Variants in SPOCD1 observed in about 807,000 individuals in gnomAD.
SPOCD1 encodes the protein SPOC domain containing 1.
A neutral mutation model predicts 92.2 loss-of-function variants in SPOCD1; 64 were observed. The observed-to-expected ratio is 0.69, with a 90% CI of 0.57 to 0.86. The LOEUF is 0.86. SPOCD1 is among the 40% of genes least tolerant of loss of function. The pLI, the probability that SPOCD1 is intolerant of heterozygous loss-of-function variation, is 0.00. For synonymous variants in SPOCD1, 578 were observed against 619.3 expected (o/e 0.93, Z 0.99); for missense variants, 1,360 against 1,543.1 (o/e 0.88, Z 1.99).
At chr1:31,793,525 G>A (rs1647764672) in intron 12 of SPOCD1, 97 bp from the exon 13 acceptor site, 1 of 1,522,746 alleles carries the variant, frequency 6.6e-7, no homozygotes, top group African/African-American at 1.4e-5. Flanking sequence ...TGTCCCTACT[G>A]TGGGGACTGG....
intron 2 of SPOCD1, among the ~76,000 whole-genome samples, chr1:31,807,850 A>G (rs972847016): frequency 2.0e-5 from 3 of 152,206 alleles, no homozygotes; most frequent in African/African-American, 7.2e-5. Context: ...GCTATTGTGA[A>G]ATACTGTATG....
intron 3 of SPOCD1, 43 bp downstream of exon 3, chr1:31,801,621 G>A (rs1377874653): frequency 6.3e-7 from 1 of 1,597,036 alleles, no homozygotes; most frequent in Non-Finnish European, 8.6e-7. Flanking sequence ...CCCCACCTGA[G>A]GCAAGGGAGA....
In SPOCD1 at chr1:31,792,363, C is replaced by T. The variant is rs1203218940; in HGVS notation, c.2814G>A (p.Arg938=). ...AGAGCAGGCGGCAGTTCTGGGTGTC[C>T]CGGGCCCCATGTGGGCACAGTCTGA... ...CVVRLCPHGA[R]DTQNCRLLYS... is the part of the protein sequence containing the mutation. Residue 938 remains arginine, a synonymous_variant, in exon 15 of 16, where the codon CGG becomes CGA. Coordinates refer to ENST00000360482, the MANE Select transcript of SPOCD1 (RefSeq NM_144569.7). The T allele has an allele frequency of 6.2e-7, 1 of 1,613,774 alleles. No individual in the cohort carries two copies. The highest frequency in any genetic ancestry group is 1.3e-5 in the African/African-American group (1 of 74,928).
In SPOCD1 at chr1:31,814,927, C is replaced by T. The variant is rs150462737; in HGVS notation, c.407G>A (p.Cys136Tyr). The change falls in exon 2 of 16, where the codon TGT becomes TAT. Residue 136 changes from cysteine to tyrosine, a missense_variant. By Grantham distance (194) the Cys-to-Tyr change is radical. Transcript: ENST00000360482. This position sits in a 1 kb window ranked among gnomAD's most constrained non-coding sequence, Gnocchi z 4.2. ...ILDDSCPRKL[C>Y]SRSAGLPERA... Reference sequence around the variant, plus strand: ...CTCTGGGAGGCCAGCAGACCTGCTACAAAGTTTCCTGGGGCAACTGTCATC... The same window carrying T: ...CTCTGGGAGGCCAGCAGACCTGCTATAAAGTTTCCTGGGGCAACTGTCATC... 2.0e-5 allele frequency: 33 copies of T among 1,613,942 alleles called. No homozygotes were observed. In the African/African-American group the frequency reaches 4.3e-4, roughly 21 times the overall value.
intron 2 of SPOCD1, among the ~76,000 whole-genome samples, chr1:31,802,337 A>C (rs1570177862): frequency 6.6e-6 from 1 of 152,266 alleles, no homozygotes; most frequent in East Asian, 1.9e-4. Flanking sequence ...TTAAGGTCTC[A>C]GAATGACACC....
At chr1:31,796,493 G>T in intron 10 of SPOCD1, 97 bp downstream of exon 10, 1 of 1,589,882 alleles carries the variant, frequency 6.3e-7, no homozygotes, top group Non-Finnish European at 8.6e-7. Flanking sequence ...CCTCAGAGCA[G>T]TCAGGTGACA....
intron 6 of SPOCD1, 67 bp from the exon 7 acceptor site, chr1:31,799,552 G>T (rs1430587995): frequency 7.1e-7 from 1 of 1,409,856 alleles, no homozygotes; most frequent in Admixed American, 1.9e-5. Context: ...CTGACTCAAG[G>T]CTGATGGGTT....
rs749069966 is a variant in SPOCD1, at chr1:31,798,722, T to C, written c.1869-121A>G. ...GGCCAACTTGTTCCTGTCGTGGGTG[T>C]TTCCCTGCAGGAACCTACTTATTCT... On this transcript the variant is annotated intron_variant, in intron 7 of 15. Coordinates refer to ENST00000360482, the MANE Select transcript of SPOCD1 (RefSeq NM_144569.7). The surrounding 1 kb of genome is among the most constrained non-coding windows in gnomAD (Gnocchi z 4.1). 13 of 1,109,666 alleles carry C rather than the reference T, an allele frequency of 1.2e-5. No individual in the cohort carries two copies. The highest frequency in any genetic ancestry group is 1.6e-5 in the African/African-American group (1 of 63,770). The allele number at this position is 1,109,666 out of a possible 1,614,324, so 68.7% of individuals were successfully genotyped here.
chr1:31,801,554 G>A, intron 3 of SPOCD1, 110 bp downstream of exon 3: 5 of 939,110 alleles, frequency 5.3e-6, no homozygotes, highest in Non-Finnish European at 8.6e-6. Flanking sequence ...CTGGGGGAGG[G>A]CAGGCTGGGT....
intron 1 of SPOCD1, among the ~76,000 whole-genome samples, chr1:31,815,590 T>G (rs1384255782): frequency 6.6e-6 from 1 of 152,160 alleles, no homozygotes; most frequent in African/African-American, 2.4e-5. Context: ...CGAGCTACAG[T>G]GGCCTCCAGG....
chr1:31,815,322 C>G lies in SPOCD1; in HGVS notation c.12G>C (p.Ala4=), dbSNP rs149588239. 1 of 1,546,532 alleles carries G rather than the reference C, an allele frequency of 6.5e-7. No individual in the cohort carries two copies. The highest frequency in any genetic ancestry group is 8.8e-7 in the Non-Finnish European group (1 of 1,142,382). ...CTGTGCTGGGGCCTTCTACGTCCCC[C>G]GCCTGGGACATGTCTGTCCACCTAC... MSQ[A]GDVEGPSTGD... The change falls in exon 2 of 16, where the codon GCG becomes GCC. Residue 4 remains alanine, a synonymous_variant. Transcript: ENST00000360482.
chr1:31,800,468 G>C lies in SPOCD1; in HGVS notation c.1575C>G (p.Pro525=), dbSNP rs1166077109. Residue 525 remains proline, a synonymous_variant, in exon 4 of 16, where the codon CCC becomes CCG. Transcript: ENST00000360482. ...PAQRLRRKKR[P]MVQGPAGCQV... is the part of the protein sequence containing the mutation. The stretch of plus-strand genomic sequence containing the variant: ...GGCACCCAGCAGGGCCCTGCACCAT[G>C]GGCCTTTTCTTCCTTCTGAGCCTCT... 10 of 1,607,920 alleles carry C rather than the reference G, an allele frequency of 6.2e-6. No homozygotes were observed. Among genetic ancestry groups the C allele is most frequent in the Non-Finnish European group, 7.6e-6 (9 of 1,177,138 alleles).
chr1:31,804,517 A>G (rs1282059896), intron 2 of SPOCD1, among the ~76,000 whole-genome samples: 1 of 152,250 alleles, frequency 6.6e-6, no homozygotes, highest in Admixed American at 6.5e-5. Context: ...TAAAGAAAAT[A>G]ACTATCAATT....
chr1:31,791,720 G>A (rs1018435912), intron 15 of SPOCD1, among the ~76,000 whole-genome samples: 2 of 152,230 alleles, frequency 1.3e-5, no homozygotes, highest in Admixed American at 6.5e-5. Flanking sequence ...TGTAGGTCCT[G>A]ACTCTGTCCT....
At chr1:31,791,625 A>G (rs868788429) in intron 15 of SPOCD1, among the ~76,000 whole-genome samples, 16 of 152,302 alleles carry the variant, frequency 1.1e-4, no homozygotes, top group African/African-American at 3.8e-4. Context: ...GAGGGTGTCC[A>G]TGCACAGAGG....
intron 2 of SPOCD1, among the ~76,000 whole-genome samples, chr1:31,807,878 T>C (rs1648939881): frequency 1.3e-5 from 2 of 152,140 alleles, no homozygotes; most frequent in South Asian, 2.1e-4. Context: ...GCCAATAAAT[T>C]TGAAAACTCA....
At chr1:31,809,433 C>G (rs1649049342) in intron 2 of SPOCD1, among the ~76,000 whole-genome samples, 1 of 152,032 alleles carries the variant, frequency 6.6e-6, no homozygotes, top group African/African-American at 2.4e-5. Context: ...CACTCTATAA[C>G]CTGGCAATTC....
chr1:31,802,745 GT>G (rs1363340483), intron 2 of SPOCD1, among the ~76,000 whole-genome samples: 1 of 152,058 alleles, frequency 6.6e-6, no homozygotes, highest in South Asian at 2.1e-4. Flanking sequence ...CCGGAAACAT[GT>G]TTTTTTATTA....
At chr1:31,800,346 G>C in intron 4 of SPOCD1, 95 bp downstream of exon 4, 1 of 1,443,834 alleles carries the variant, frequency 6.9e-7, no homozygotes, top group Non-Finnish European at 9.3e-7. Flanking sequence ...CCGCGAGCAA[G>C]TGGCACCCTC....
Sources: allele counts gnomAD v4.1 joint callset (sites outside exome capture counted in the v4.1 genomes callset), GRCh38; gene constraint gnomAD v4.1.1; non-coding constraint Gnocchi (gnomAD v3.1); transcripts MANE v1.5; gene names NCBI Gene and HGNC (gene_info 2026-07-23, HGNC 2026-07-21).